Variants in OSBPL9 observed in about 807,000 individuals in gnomAD.
The protein encoded by OSBPL9 is oxysterol-binding protein-related protein 9.
Under a neutral mutation model 106.6 loss-of-function variants are expected in OSBPL9, and 40 were observed. The ratio of observed to expected loss-of-function variants is 0.38; its 90% CI spans 0.29 to 0.49. The LOEUF is 0.49. Ranked by LOEUF, OSBPL9 falls within the 20% of genes least tolerant of loss-of-function variation. The pLI is 0.97. For missense variants in OSBPL9, 609 were observed against 887.2 expected (o/e 0.69, Z 3.98); for synonymous variants, 269 against 295.4 (o/e 0.91, Z 0.92).
At chr1:51,616,027 T>TTTTTG (rs1292732346), upstream of OSBPL9, among the ~76,000 whole-genome samples, 2 of 147,360 alleles carry the variant, frequency 1.4e-5, no homozygotes, top group African/African-American at 5.1e-5. Context: ...TTTTTTTTTT[T>TTTTTG]TGTGTGAGAG....
chr1:51,772,474 C>T, intron 13 of OSBPL9, 131 bp from the exon 14 acceptor site: 1 of 786,890 alleles, frequency 1.3e-6, no homozygotes, highest in Non-Finnish European at 2.2e-6. Context: ...CAAGATCGTG[C>T]CATTGCACTC....
chr1:51,571,573 G>A, the OSBPL9 span, among the ~76,000 whole-genome samples: 1 of 152,076 alleles, frequency 6.6e-6, no homozygotes, highest in African/African-American at 2.4e-5. Context: ...AGGCTGAGGT[G>A]GGAGAAGCAT....
At chr1:51,575,419 C>G (rs184091639), upstream of OSBPL9, among the ~76,000 whole-genome samples, 1 of 150,286 alleles carries the variant, frequency 6.7e-6, no homozygotes, top group African/African-American at 2.5e-5. Context: ...CCATGTTGGT[C>G]GGTCTGGTTT....
rs1646961467 is a variant in OSBPL9 at position 51,658,674 on chromosome 1, G to T, written c.162+6633G>T. Reference sequence around the variant, plus strand: ...TTAGTCTACCACAAGAGAGGTCGGTGGTGCACCATGACAGAATATTAATAT... The same window carrying T: ...TTAGTCTACCACAAGAGAGGTCGGTTGTGCACCATGACAGAATATTAATAT... On this transcript the variant is annotated intron_variant, in intron 2 of 23. Coordinates refer to ENST00000428468, the MANE Select transcript of OSBPL9 (RefSeq NM_024586.6). 2.0e-5 allele frequency among the ~76,000 whole-genome samples: 3 copies of T among 151,972 alleles called. No individual in the cohort carries two copies. In the South Asian group the frequency reaches 6.2e-4, roughly 32 times the overall value.
At chr1:51,612,874 G>A (rs1308643895), upstream of OSBPL9, among the ~76,000 whole-genome samples, 1 of 152,226 alleles carries the variant, frequency 6.6e-6, no homozygotes, top group Non-Finnish European at 1.5e-5. Context: ...GATCTGGCAT[G>A]CAAAGACCTA....
chr1:51,527,814 T>G, the OSBPL9 span, among the ~76,000 whole-genome samples: 2 of 152,004 alleles, frequency 1.3e-5, no homozygotes, highest in Non-Finnish European at 2.9e-5. Context: ...CAAAATCATG[T>G]TATAGAAAGG....
intron 3 of OSBPL9, among the ~76,000 whole-genome samples, chr1:51,676,628 C>T (rs1234642170): frequency 6.8e-6 from 1 of 146,784 alleles, no homozygotes; most frequent in East Asian, 2.0e-4. Context: ...CACTGCACTC[C>T]AGCCTGGCCG....
intron 1 of OSBPL9, among the ~76,000 whole-genome samples, chr1:51,586,989 TCA>T (rs1465893670): frequency 6.6e-6 from 1 of 152,182 alleles, no homozygotes; most frequent in Non-Finnish European, 1.5e-5. Flanking sequence ...TCCTAGCCTC[TCA>T]GTTTCCTCAT....
chr1:51,617,063 T>C (rs200848426), upstream of OSBPL9: 94 of 1,039,484 alleles, frequency 9.0e-5, no homozygotes, highest in Middle Eastern at 2.5e-4. Context: ...CTGAATGCCA[T>C]ATAGGCGAGT....
At chr1:51,748,835 C>T (rs549163792) in intron 7 of OSBPL9, among the ~76,000 whole-genome samples, 11 of 152,040 alleles carry the variant, frequency 7.2e-5, no homozygotes, top group Admixed American at 2.6e-4. Context: ...CCTGTAATCC[C>T]AGCACTTTGG....
chr1:51,555,735 T>G, the OSBPL9 span, among the ~76,000 whole-genome samples: 2 of 150,504 alleles, frequency 1.3e-5, no homozygotes, highest in African/African-American at 2.4e-5. Flanking sequence ...GCCCGGCTAA[T>G]TTTTTTTTGT....
intron 20 of OSBPL9, 196 bp from the exon 21 acceptor site, chr1:51,785,612 T>C: frequency 1.8e-6 from 1 of 553,782 alleles, no homozygotes; most frequent in Non-Finnish European, 3.2e-6. Flanking sequence ...TCTTGGGATC[T>C]CAAGTTCATA....
Position 51,781,259 on chromosome 1 carries a change from A to C in OSBPL9, c.1352A>C (p.Lys451Thr). 2 of 1,614,222 alleles carry C rather than the reference A, an allele frequency of 1.2e-6. No homozygotes were observed. The highest frequency in any genetic ancestry group is 1.7e-6 in the Non-Finnish European group (2 of 1,180,028). The change falls in exon 16 of 24, where the codon AAA (lysine) becomes ACA (threonine). Residue 451 changes from lysine (K) to threonine (T), a missense_variant. Transcript: ENST00000428468. ...FHAGRKGSVA[K>T]KPYNPILGEI... is the part of the protein sequence containing the mutation. ...GCGGGAAGGAAAGGATCAGTTGCCA[A>C]AAAGCCATACAATCCCATTTTGGGC...
chr1:51,647,359 A>G (rs1455486791), intron 1 of OSBPL9, among the ~76,000 whole-genome samples: 5 of 152,154 alleles, frequency 3.3e-5, no homozygotes, highest in Non-Finnish European at 7.3e-5. Flanking sequence ...CATCTATATT[A>G]GAAACAGATA....
chr1:51,669,142 C>G (rs1240492329), intron 2 of OSBPL9, among the ~76,000 whole-genome samples: 1 of 152,178 alleles, frequency 6.6e-6, no homozygotes, highest in African/African-American at 2.4e-5. Context: ...GTGGCTGGCT[C>G]TTAAAACACA....
intron 3 of OSBPL9, among the ~76,000 whole-genome samples, chr1:51,697,129 C>T (rs1656190674): frequency 6.6e-6 from 1 of 151,116 alleles, no homozygotes; most frequent in Admixed American, 6.6e-5. Context: ...CACTGCTCTC[C>T]AGCCTGGGCA....
intron 1 of OSBPL9, among the ~76,000 whole-genome samples, chr1:51,639,214 G>T (rs1439442397): frequency 6.6e-6 from 1 of 152,022 alleles, no homozygotes; most frequent in African/African-American, 2.4e-5. Context: ...TCCCTTTCCT[G>T]TCTGTCCCAT....
intron 3 of OSBPL9, among the ~76,000 whole-genome samples, chr1:51,691,390 C>T (rs763838082): frequency 6.6e-6 from 1 of 150,886 alleles, no homozygotes; most frequent in African/African-American, 2.4e-5. Flanking sequence ...AGCGATTCTC[C>T]TGCCTCAGCC....
chr1:51,680,850 TA>T (rs1485637441), intron 3 of OSBPL9, among the ~76,000 whole-genome samples: 1 of 152,198 alleles, frequency 6.6e-6, no homozygotes, highest in African/African-American at 2.4e-5. Context: ...ACTAAAAGCA[TA>T]AATATTTTTA....
Sources: allele counts gnomAD v4.1 joint callset (sites outside exome capture counted in the v4.1 genomes callset), GRCh38; gene constraint gnomAD v4.1.1; transcripts MANE v1.5; gene names NCBI Gene and HGNC (gene_info 2026-07-23, HGNC 2026-07-21).